OR9Q1: variants seen among roughly 807,000 people sequenced by gnomAD.
OR9Q1 encodes the protein olfactory receptor family 9 subfamily Q member 1.
For missense variants in OR9Q1, 374 were observed against 378.8 expected (o/e 0.99, Z 0.11); for synonymous variants, 153 against 148.6 (o/e 1.03, Z -0.22).
chr11:58,105,452 G>A (rs10792135), intron 2 of OR9Q1, among the ~76,000 whole-genome samples: 38,888 of 151,812 alleles, frequency 0.26, 5,479 homozygotes, highest in East Asian at 0.58. Context: ...AAAAATATTC[G>A]CCACCTTCAA....
chr11:58,068,313 T>C (rs1354725899), intron 2 of OR9Q1, among the ~76,000 whole-genome samples: 1 of 147,954 alleles, frequency 6.8e-6, no homozygotes, highest in Non-Finnish European at 1.5e-5. Flanking sequence ...GTCATTGCAC[T>C]CCAGTCTGGG....
chr11:58,030,550 C>T (rs2119909610), intron 1 of OR9Q1, among the ~76,000 whole-genome samples: 1 of 152,204 alleles, frequency 6.6e-6, no homozygotes, highest in Non-Finnish European at 1.5e-5. Flanking sequence ...TGAAGTTTCC[C>T]CAATGCACAA....
intron 2 of OR9Q1, among the ~76,000 whole-genome samples, chr11:58,070,369 T>C (rs538999415): frequency 5.3e-5 from 8 of 151,942 alleles, no homozygotes; most frequent in Non-Finnish European, 8.8e-5. Context: ...TACATTATAC[T>C]TTTCCCCCCT....
chr11:58,166,231 A>G (rs750294641), intron 2 of OR9Q1, among the ~76,000 whole-genome samples: 6 of 152,198 alleles, frequency 3.9e-5, no homozygotes, highest in Non-Finnish European at 8.8e-5. Flanking sequence ...GGGTTATTAC[A>G]AAAATAACAC....
Position 58,081,616 on chromosome 11 carries a change from C to A in OR9Q1, c.-15+25669C>A, listed in dbSNP as rs143394346. ...TGTTTGTTGGCTGCATAAATGTCTT[C>A]TTTTGAGCAGTGTCTGTTCATATCC... On this transcript the variant is annotated intron_variant, in intron 2 of 2. Transcript: ENST00000335397. Among the ~76,000 whole-genome samples the A allele has an allele frequency of 9.3e-4, 141 of 151,360 alleles. 1 individual carries two copies. In the East Asian group the frequency reaches 0.024, roughly 26 times the overall value.
Position 58,119,370 on chromosome 11 carries a change from A to C in OR9Q1, c.-14-60061A>C. The C allele has an allele frequency of 5.0e-6, 8 of 1,613,952 alleles. No individual in the cohort carries two copies. The Middle Eastern group carries it at 5.0e-4, about 100-fold the overall frequency. On this transcript the variant is annotated intron_variant, in intron 2 of 2. Coordinates refer to ENST00000335397, the MANE Select transcript of OR9Q1 (RefSeq NM_001005212.4). ...AACTCAGAAACACCAGAAAGAGGGG[A>C]ATCTCCAATTTGGGGTGGTCCATAA...
At chr11:58,059,896 T>TAGG (rs1278544755) in intron 2 of OR9Q1, 1 of 152,098 alleles carries the variant, frequency 6.6e-6, no homozygotes, top group Non-Finnish European at 1.5e-5. Context: ...TTACCCTACT[T>TAGG]ACGAAGAGCG....
chr11:58,053,895 A>T (rs1001537253), intron 1 of OR9Q1, among the ~76,000 whole-genome samples: 3 of 151,814 alleles, frequency 2.0e-5, no homozygotes, highest in Admixed American at 2.0e-4. Flanking sequence ...AGTTCTGGGG[A>T]TCTAATATCC....
intron 1 of OR9Q1, among the ~76,000 whole-genome samples, chr11:58,038,014 A>C (rs1239560883): frequency 2.1e-5 from 1 of 46,856 alleles, no homozygotes; most frequent in Non-Finnish European, 4.0e-5. Context: ...TACAGGCATG[A>C]GCTACCGCGC....
chr11:58,099,911 C>T (rs1348627153), intron 2 of OR9Q1, among the ~76,000 whole-genome samples: 1 of 152,130 alleles, frequency 6.6e-6, no homozygotes, highest in Non-Finnish European at 1.5e-5. Context: ...GCTTAAGTTA[C>T]AACATACATC....
At chr11:58,045,539 G>A (rs2122804) in intron 1 of OR9Q1, among the ~76,000 whole-genome samples, 147,702 of 152,280 alleles carry the variant, frequency 0.97, 71,784 homozygotes, top group East Asian at 1. Context: ...TGGCCATAAT[G>A]ATATGTGCTT....
At chr11:58,112,559 G>A (rs558876245) in intron 2 of OR9Q1, among the ~76,000 whole-genome samples, 3 of 152,250 alleles carry the variant, frequency 2.0e-5, no homozygotes, top group Middle Eastern at 3.4e-3. Flanking sequence ...TGTTTATGCA[G>A]CCTGAGAATA....
rs139001023 is a variant in OR9Q1 at position 58,097,287 on chromosome 11, C to T, written c.-15+41340C>T. 5.9e-5 allele frequency among the ~76,000 whole-genome samples: 9 copies of T among 152,246 alleles called. No homozygotes were observed. In the East Asian group the frequency reaches 1.7e-3, roughly 29 times the overall value. On this transcript the variant is annotated intron_variant, in intron 2 of 2. Coordinates refer to ENST00000335397, the MANE Select transcript of OR9Q1 (RefSeq NM_001005212.4). Reference sequence around the variant, plus strand: ...CAGTGTTGAGCTGTTGTGAATCAAGCTTCTGAGGACATTCTTATAAAAGCC... The same window carrying T: ...CAGTGTTGAGCTGTTGTGAATCAAGTTTCTGAGGACATTCTTATAAAAGCC...
At chr11:58,112,383 G>A (rs1307113581) in intron 2 of OR9Q1, among the ~76,000 whole-genome samples, 2 of 152,114 alleles carry the variant, frequency 1.3e-5, no homozygotes, top group South Asian at 2.1e-4. Context: ...ATAAACCACA[G>A]ATTCAGATTT....
intron 1 of OR9Q1, among the ~76,000 whole-genome samples, chr11:58,024,492 G>A (rs996706746): frequency 1.2e-4 from 18 of 152,124 alleles, no homozygotes; most frequent in African/African-American, 4.3e-4. Context: ...GGCTTGTCAC[G>A]TAGCTACACA....
At chr11:58,073,228 G>T in intron 2 of OR9Q1, 2 of 225,668 alleles carry the variant, frequency 8.9e-6, no homozygotes, top group South Asian at 1.7e-4. Context: ...GTCTCATTTT[G>T]ACAGTGTATG....
At chr11:58,157,226 A>G (rs1045679236) in intron 2 of OR9Q1, among the ~76,000 whole-genome samples, 1 of 151,876 alleles carries the variant, frequency 6.6e-6, no homozygotes, top group African/African-American at 2.4e-5. Context: ...TGCACCGTCT[A>G]CTCACTTTCC....
intron 2 of OR9Q1, among the ~76,000 whole-genome samples, chr11:58,121,597 G>A (rs1453511539): frequency 1.3e-5 from 2 of 152,150 alleles, no homozygotes; most frequent in Non-Finnish European, 2.9e-5. Context: ...TGAACCATTT[G>A]CCTGGCCTCC....
intron 2 of OR9Q1, among the ~76,000 whole-genome samples, chr11:58,108,435 C>T (rs1421932380): frequency 6.6e-6 from 1 of 152,104 alleles, no homozygotes; most frequent in Non-Finnish European, 1.5e-5. Context: ...GACTATGCTA[C>T]TTTTTATCTC....
Sources: gnomAD v4.1 joint callset for allele counts (sites outside exome capture counted in the v4.1 genomes callset) on GRCh38, gnomAD v4.1.1 for gene constraint, MANE v1.5 for transcripts, NCBI Gene and HGNC (gene_info 2026-07-23, HGNC 2026-07-21) for gene names.